The following TBCD variants were observed in gnomAD, a reference collection of about 807,000 sequenced individuals.
The protein encoded by TBCD is tubulin folding cofactor D, also known as tubulin-specific chaperone D.
TBCD carries 105 observed loss-of-function variants against 169.3 expected under a neutral mutation model. The ratio of observed to expected loss-of-function variants is 0.62; its 90% confidence interval spans 0.53 to 0.73. The LOEUF (loss-of-function observed/expected upper bound fraction) is 0.73, where lower values mean the gene tolerates loss of function less well. Among genes scored for constraint, TBCD ranks in the 30% least tolerant of loss-of-function variants. The pLI is 0.00. For synonymous variants in TBCD, 700 were observed against 643.9 expected (o/e 1.09, Z -1.32); for missense variants, 1,444 against 1,600.1 (o/e 0.90, Z 1.66).
In TBCD at chr17:82,884,332, A is replaced by C. The variant is rs2058579620; in HGVS notation, c.1533+130A>C. ...AGCAGGAGCCGCGAGGGAGCTGCTGAGAGTGCCAGCTGCGGGCAGGCCACT... is the reference window on the plus strand; with the variant it reads ...AGCAGGAGCCGCGAGGGAGCTGCTGCGAGTGCCAGCTGCGGGCAGGCCACT... On this transcript the variant is annotated intron_variant, in intron 15 of 38. Transcript: ENST00000355528. This position sits in a 1 kb window ranked among gnomAD's most constrained non-coding sequence, Gnocchi z 4.2. 3 of 847,016 alleles carry C rather than the reference A, an allele frequency of 3.5e-6. No homozygotes were observed. The highest frequency in any genetic ancestry group is 2.1e-5 in the Admixed American group (1 of 48,232). 52.5% of individuals were successfully genotyped at this position (847,016 alleles called of 1,614,324 possible).
intron 13 of TBCD, among the ~76,000 whole-genome samples, chr17:82,849,942 G>T (rs1246360149): frequency 4.7e-5 from 7 of 148,800 alleles, no homozygotes; most frequent in African/African-American, 1.5e-4. Flanking sequence ...TGTTGGCTGT[G>T]CTGTTGTTGC....
At chr17:82,815,027 G>A (rs1480443726) in intron 13 of TBCD, 93 bp downstream of exon 13, 3 of 1,567,962 alleles carry the variant, frequency 1.9e-6, no homozygotes, top group African/African-American at 2.7e-5. Flanking sequence ...CGTGGATGGT[G>A]AGTAGCTGAA....
At chr17:82,926,585 A>G (rs908364132) in intron 28 of TBCD, 94 bp downstream of exon 28, 2 of 1,029,490 alleles carry the variant, frequency 1.9e-6, no homozygotes, top group Admixed American at 2.1e-5. Flanking sequence ...GGCAGGACTT[A>G]TGATTCTTCA....
At chr17:82,940,219 G>GCACACACACACACACACACACACA (rs1422867605) in intron 37 of TBCD, among the ~76,000 whole-genome samples, 18 of 94,624 alleles carry the variant, frequency 1.9e-4, no homozygotes, top group Middle Eastern at 6.0e-3. Flanking sequence ...ACTTGCACGC[G>GCACACACACACACACACACACACA]CGCACACACA....
intron 14 of TBCD, among the ~76,000 whole-genome samples, chr17:82,872,981 C>CATCGCCTGGT (rs2057712532): frequency 6.6e-6 from 1 of 151,444 alleles, no homozygotes; most frequent in African/African-American, 2.4e-5. Flanking sequence ...GAGCCAGGCC[C>CATCGCCTGGT]GGCACCTCGT....
chr17:82,926,307 G>A, intron 27 of TBCD, 93 bp from the exon 28 acceptor site: 1 of 1,178,518 alleles, frequency 8.5e-7, no homozygotes, highest in South Asian at 1.3e-5. Flanking sequence ...TCATGGTGTG[G>A]GGTCTGTGGC....
intron 23 of TBCD, among the ~76,000 whole-genome samples, chr17:82,919,654 G>A (rs1239568122): frequency 6.6e-6 from 1 of 152,104 alleles, no homozygotes; most frequent in Admixed American, 6.6e-5. Context: ...CGAGAGGACC[G>A]TTTTCCTCTT....
At chr17:82,836,297 CGT>C (rs2053967671) in intron 13 of TBCD, among the ~76,000 whole-genome samples, 1 of 152,202 alleles carries the variant, frequency 6.6e-6, no homozygotes, top group South Asian at 2.1e-4. Context: ...GTTCTGAAGG[CGT>C]GAGAACCTCT....
chr17:82,812,216 G>A lies in TBCD; in HGVS notation c.1223+2434G>A, dbSNP rs868213288. ...TCCCGTGAGCAAACCAACTGAACCT[G>A]TGCCCGGGCCCAGCTGTGGGTCCTG... is the stretch of plus-strand genomic sequence containing the variant. On this transcript the variant is annotated intron_variant, in intron 12 of 38. Transcript: ENST00000355528. 9.9e-5 allele frequency among the ~76,000 whole-genome samples: 15 copies of A among 152,140 alleles called. No homozygotes were observed. The South Asian group carries it at 1.5e-3, about 15-fold the overall frequency.
intron 14 of TBCD, among the ~76,000 whole-genome samples, chr17:82,870,804 A>G (rs1445375156): frequency 6.6e-6 from 1 of 152,238 alleles, no homozygotes; most frequent in East Asian, 1.9e-4. Flanking sequence ...TCTTGGCGAG[A>G]GGCGAATTCT....
At position 82,756,628 on chromosome 17, in the gene TBCD, C is replaced by T. The variant is rs191568416; in HGVS notation, c.235+413C>T. On this transcript the variant is annotated intron_variant, in intron 2 of 38. Transcript: ENST00000355528. ...CCGAGTAGCTGGGATTACAGGCATG[C>T]GCCACCATGCCCAGCTAATTTTTGT... Among the ~76,000 whole-genome samples, 554 of 151,994 alleles carry T rather than the reference C, an allele frequency of 3.6e-3. 3 individuals are homozygous for T. Among genetic ancestry groups the T allele is most frequent in the Non-Finnish European group, 5.1e-3 (346 of 67,952 alleles).
chr17:82,856,228 T>C (rs1215801485), intron 13 of TBCD, among the ~76,000 whole-genome samples: 2 of 151,820 alleles, frequency 1.3e-5, no homozygotes, highest in Non-Finnish European at 2.9e-5. Flanking sequence ...TGGTAGAATT[T>C]TACTCAACAT....
chr17:82,810,345 G>A (rs11870484), intron 12 of TBCD, among the ~76,000 whole-genome samples: 10,638 of 152,282 alleles, frequency 0.07, 890 homozygotes, highest in African/African-American at 0.2. Flanking sequence ...GGAGGCTGAG[G>A]TGGGAGGATC....
At chr17:82,926,161 C>T (rs4265861) in intron 27 of TBCD, among the ~76,000 whole-genome samples, 76 of 101,858 alleles carry the variant, frequency 7.5e-4, no homozygotes, top group Middle Eastern at 5.2e-3. Context: ...GGAGGTGACT[C>T]CTCCCCGGGT....
chr17:82,838,503 G>C (rs2054177326), intron 13 of TBCD: 1 of 350,242 alleles, frequency 2.9e-6, no homozygotes, highest in Non-Finnish European at 4.0e-6. Context: ...CAAGGAGCCT[G>C]CTCGGCTGGA....
chr17:82,868,678 G>A (rs561178228), intron 13 of TBCD, among the ~76,000 whole-genome samples: 31 of 152,198 alleles, frequency 2.0e-4, no homozygotes, highest in Non-Finnish European at 4.1e-4. Flanking sequence ...AGTCAGAGGG[G>A]AAATTTGCAT....
Position 82,831,404 on chromosome 17 carries a change from C to A in TBCD, c.1318+16470C>A, listed in dbSNP as rs377565207. The A allele has an allele frequency of 6.2e-7, 1 of 1,614,040 alleles. No individual in the cohort carries two copies. Among genetic ancestry groups the A allele is most frequent in the Non-Finnish European group, 8.5e-7 (1 of 1,180,030 alleles). Reference sequence around the variant, plus strand: ...GCTGGATAGACCAGGGTGGCTTCTTCAAGCAGGTGAGAGCTCTGATCTCGG... The same window carrying A: ...GCTGGATAGACCAGGGTGGCTTCTTAAAGCAGGTGAGAGCTCTGATCTCGG... On this transcript the variant is annotated intron_variant, in intron 13 of 38. Transcript: ENST00000355528. This position sits in a 1 kb window ranked among gnomAD's most constrained non-coding sequence, Gnocchi z 4.6.
Position 82,903,477 on chromosome 17 carries a change from A to C in TBCD, c.1803A>C (p.Gln601His), listed in dbSNP as rs2060025867. 6.3e-7 allele frequency: 1 copy of C among 1,593,038 alleles called. No individual in the cohort carries two copies. The highest frequency in any genetic ancestry group is 2.3e-5 in the East Asian group (1 of 43,838). ...AGGCACCCGAGTTCAGCGCCACGCA[A>C]GGTGGGTGTGTGTCCCGGCCGGCCT... is the stretch of plus-strand genomic sequence containing the variant. ...AQQAPEFSATQVFPRLLSMTL... is the reference protein window; with the variant it reads ...AQQAPEFSATHVFPRLLSMTL... The change falls in exon 19 of 39, where the codon CAA (glutamine) becomes CAC (histidine). Residue 601 changes from glutamine (Q) to histidine (H), a missense_variant and splice_region_variant. Gln to His is a conservative substitution (Grantham distance 24, BLOSUM62 0). Transcript: ENST00000355528. The surrounding 1 kb of genome is among the most constrained non-coding windows in gnomAD (Gnocchi z 4.8).
intron 7 of TBCD, among the ~76,000 whole-genome samples, chr17:82,786,875 A>G (rs531573331): frequency 5.0e-5 from 6 of 119,124 alleles, no homozygotes; most frequent in Non-Finnish European, 6.4e-5. Context: ...ATTGTTCCCA[A>G]GTTTTCTGTT....
Sources: allele counts gnomAD v4.1 joint callset (sites outside exome capture counted in the v4.1 genomes callset), GRCh38; gene constraint gnomAD v4.1.1; non-coding constraint Gnocchi (gnomAD v3.1); transcripts MANE v1.5; gene names NCBI Gene and HGNC (gene_info 2026-07-23, HGNC 2026-07-21).